Variants in KDM6A observed in about 807,000 individuals in gnomAD.
The protein encoded by KDM6A is lysine demethylase 6A.
In KDM6A, 11 loss-of-function variants were observed where a neutral mutation model predicts 117.6. That is an observed-to-expected ratio of 0.09 (90% CI 0.06 to 0.15). The LOEUF (loss-of-function observed/expected upper bound fraction) is 0.15. KDM6A is among the 10% of genes least tolerant of loss of function. The pLI, the probability that KDM6A is intolerant of heterozygous loss-of-function variation, is 1.00. For missense variants in KDM6A, 799 were observed against 1,077.3 expected, an observed-to-expected ratio of 0.74 and a Z score of 3.62; for synonymous variants, 384 against 396.1, an observed-to-expected ratio of 0.97 and a Z score of 0.36.
At chrX:44,939,937 T>C (rs180848472) in intron 2 of KDM6A, among the ~76,000 whole-genome samples, 1 of 112,847 alleles carries the variant, frequency 8.9e-6, no homozygotes, top group East Asian at 2.8e-4. Flanking sequence ...GTTAACATAA[T>C]TTTTATATGC....
chrX:44,945,449 A>G (rs1437057284), intron 2 of KDM6A, among the ~76,000 whole-genome samples: 2 of 110,970 alleles, frequency 1.8e-5, no homozygotes, highest in Non-Finnish European at 3.8e-5. Flanking sequence ...CCGAAGACTT[A>G]AGAAGTTTTA....
intron 5 of KDM6A, among the ~76,000 whole-genome samples, chrX:45,012,301 A>G (rs1296384019): frequency 1.9e-5 from 2 of 103,852 alleles, no homozygotes; most frequent in African/African-American, 7.1e-5. Context: ...CCCGGGTTCA[A>G]GCGATTCTCC....
At chrX:44,940,171 G>T (rs898759842) in intron 2 of KDM6A, among the ~76,000 whole-genome samples, 2 of 111,081 alleles carry the variant, frequency 1.8e-5, no homozygotes, top group African/African-American at 6.6e-5. Flanking sequence ...TAGTGCCTCA[G>T]CCTCTCTAGT....
At chrX:45,084,596 C>T (rs930021913) in intron 24 of KDM6A, among the ~76,000 whole-genome samples, 5 of 111,587 alleles carry the variant, frequency 4.5e-5, no homozygotes, top group Non-Finnish European at 9.4e-5. Context: ...CCCATCCTGG[C>T]TGCTGATTTG....
intron 4 of KDM6A, among the ~76,000 whole-genome samples, chrX:44,980,023 G>A (rs1204503202): frequency 3.8e-4 from 34 of 90,010 alleles, no homozygotes; most frequent in African/African-American, 1.4e-3. Flanking sequence ...TTGAGATGGA[G>A]TCTCTCTCTG....
chrX:45,084,617 C>CCTTTTTT (rs959646429), intron 24 of KDM6A, among the ~76,000 whole-genome samples: 23 of 111,327 alleles, frequency 2.1e-4, no homozygotes, highest in African/African-American at 7.5e-4. Flanking sequence ...ATTCTCTTGT[C>CCTTTTTT]CTTTTTTCTT....
chrX:44,974,802 T>C, intron 4 of KDM6A, 87 bp downstream of exon 4: 1 of 688,436 alleles, frequency 1.5e-6, no homozygotes, highest in Non-Finnish European at 2.4e-6. Flanking sequence ...AGCTCTTGCT[T>C]TTTTTTGTTA....
chrX:45,076,726 G>C lies in KDM6A; in HGVS notation c.2888G>C (p.Ser963Thr), dbSNP rs201673109. The C allele has an allele frequency of 5.0e-5, 58 of 1,157,800 alleles. No homozygotes were observed. The Middle Eastern group carries it at 1.4e-3, about 29-fold the overall frequency. The stretch of plus-strand genomic sequence containing the variant: ...CTAGGTAAAAATGGCTTATCTAACA[G>C]TAGCATTTTGTTGGATAAATGTCCA... ...RNLGKNGLSNSSILLDKCPPP... is the reference protein window; with the variant it reads ...RNLGKNGLSNTSILLDKCPPP... The change falls in exon 19 of 30, where the codon AGT becomes ACT. Residue 963 changes from serine (S) to threonine (T), a missense_variant. Ser to Thr is a moderately conservative substitution (Grantham distance 58). This residue lies in a region of KDM6A where 291 missense variants were observed against 437.9 expected (regional missense o/e 0.66). Coordinates refer to ENST00000611820, the MANE Select transcript of KDM6A (RefSeq NM_001291415.2).
chrX:45,035,047 A>C, intron 7 of KDM6A, 62 bp downstream of exon 7: 1 of 894,510 alleles, frequency 1.1e-6, no homozygotes, highest in Non-Finnish European at 1.6e-6. Context: ...GGCAAATAAC[A>C]ATAATGTTAG....
intron 10 of KDM6A, among the ~76,000 whole-genome samples, chrX:45,054,445 A>G (rs1385495282): frequency 8.9e-6 from 1 of 111,947 alleles, no homozygotes; most frequent in Non-Finnish European, 1.9e-5. Flanking sequence ...TATACTTGAA[A>G]TCTTACAGTG....
At chrX:44,920,310 A>G (rs1316751255) in intron 2 of KDM6A, among the ~76,000 whole-genome samples, 1 of 111,822 alleles carries the variant, frequency 8.9e-6, no homozygotes, top group African/African-American at 3.3e-5. Context: ...TGATGGATTG[A>G]TTCGTTTATA....
chrX:44,880,474 C>T lies in KDM6A; in HGVS notation c.225+6487C>T, dbSNP rs186807771. Among the ~76,000 whole-genome samples the T allele has an allele frequency of 8.6e-5, 9 of 104,798 alleles. 1 individual carries two copies. Among genetic ancestry groups the T allele is most frequent in the Admixed American group, 4.2e-4 (4 of 9,562 alleles). The allele number at this position is 104,798 out of a possible 115,157, so 91.0% of individuals were successfully genotyped here. On this transcript the variant is annotated intron_variant, in intron 2 of 29. Transcript: ENST00000611820. ...CTGCTTTTTTTTTTTTTTTTAACACCGTAGACATATATTACCTTAAAAATA... is the reference window on the plus strand; with the variant it reads ...CTGCTTTTTTTTTTTTTTTTAACACTGTAGACATATATTACCTTAAAAATA...
chrX:45,012,975 A>G (rs1303199953), intron 5 of KDM6A, among the ~76,000 whole-genome samples: 1 of 112,191 alleles, frequency 8.9e-6, no homozygotes, highest in Non-Finnish European at 1.9e-5. Context: ...TGTTCAGTGT[A>G]TTGTATTTAA....
chrX:45,100,602 A>G lies in KDM6A; in HGVS notation c.4035-6808A>G, dbSNP rs1295547974. Among the ~76,000 whole-genome samples the G allele has an allele frequency of 3.6e-5, 4 of 111,247 alleles. No homozygotes were observed. In the Admixed American group the frequency reaches 3.8e-4, roughly 11 times the overall value. ...ATCAAATAGTATGCTGAGGAGTAGA[A>G]AGTTAATTTTGAGGATACACATTCA... On this transcript the variant is annotated intron_variant, in intron 27 of 29. Coordinates refer to ENST00000611820, the MANE Select transcript of KDM6A (RefSeq NM_001291415.2).
chrX:45,053,019 A>G (rs1448271567), intron 9 of KDM6A, among the ~76,000 whole-genome samples: 2 of 111,719 alleles, frequency 1.8e-5, no homozygotes, highest in East Asian at 5.6e-4. Flanking sequence ...GGGTGCGAAT[A>G]TATGTAGTCA....
chrX:44,941,388 G>T (rs1433000502), intron 2 of KDM6A, among the ~76,000 whole-genome samples: 1 of 110,996 alleles, frequency 9.0e-6, no homozygotes, highest in Non-Finnish European at 1.9e-5. Flanking sequence ...TCAAAGTCTA[G>T]TTGGTACTTC....
intron 27 of KDM6A, among the ~76,000 whole-genome samples, chrX:45,095,002 T>A (rs892162051): frequency 9.0e-6 from 1 of 111,394 alleles, no homozygotes; most frequent in African/African-American, 3.3e-5. Flanking sequence ...TATGATCTAA[T>A]TTAGGTTTCG....
intron 5 of KDM6A, among the ~76,000 whole-genome samples, chrX:45,015,897 A>C (rs12861013): frequency 9.0e-6 from 1 of 111,731 alleles, no homozygotes; most frequent in Non-Finnish European, 1.9e-5. Flanking sequence ...GCAATAGGGT[A>C]GGGGAAAGAA....
chrX:45,062,581 C>A, intron 15 of KDM6A, 66 bp from the exon 16 acceptor site: 1 of 844,613 alleles, frequency 1.2e-6, no homozygotes, highest in Non-Finnish European at 1.7e-6. Context: ...GGAAAGGTTG[C>A]TTAGAATAAT....
Sources: allele counts gnomAD v4.1 joint callset (sites outside exome capture counted in the v4.1 genomes callset), GRCh38; gene constraint gnomAD v4.1.1; regional missense constraint gnomAD v4.1.1; transcripts MANE v1.5; gene names NCBI Gene and HGNC (gene_info 2026-07-23, HGNC 2026-07-21).